The following NBAS variants were observed in gnomAD, a reference collection of about 807,000 sequenced individuals.
NBAS encodes the protein NAG/BC035112 fusion.
NBAS carries 219 observed loss-of-function variants against 302.5 expected under a neutral mutation model. The ratio of observed to expected loss-of-function variants is 0.72; its 90% confidence interval spans 0.65 to 0.81. NBAS has a LOEUF of 0.81. Ranked by LOEUF, NBAS falls within the 30% of genes least tolerant of loss-of-function variation. NBAS has a pLI of 0.00. For missense variants in NBAS, 2,932 were observed against 2,841.6 expected, an observed-to-expected ratio of 1.03 and a Z score of -0.72; for synonymous variants, 1,118 against 1,021.6, an observed-to-expected ratio of 1.09 and a Z score of -1.80.
chr2:15,305,449 GTTTTT>G (rs35136896), intron 40 of NBAS, among the ~76,000 whole-genome samples: 1 of 123,804 alleles, frequency 8.1e-6, no homozygotes, highest in Admixed American at 8.4e-5. Flanking sequence ...GTCTCGAGCA[GTTTTT>G]TTTTTTTTTT....
downstream of NBAS, among the ~76,000 whole-genome samples, chr2:15,162,460 A>G (rs1663922565): frequency 6.6e-6 from 1 of 152,056 alleles, no homozygotes; most frequent in African/African-American, 2.4e-5. Context: ...CCACCGGGGG[A>G]GCAGAAACTC....
At chr2:14,849,985 T>C in the NBAS span, among the ~76,000 whole-genome samples, 1 of 139,382 alleles carries the variant, frequency 7.2e-6, no homozygotes, top group Non-Finnish European at 1.5e-5. Flanking sequence ...CATGCCAAAA[T>C]GTAGACAATC....
intron 6 of NBAS, among the ~76,000 whole-genome samples, chr2:15,550,030 G>A (rs888982825): frequency 2.0e-5 from 3 of 152,088 alleles, no homozygotes; most frequent in Non-Finnish European, 4.4e-5. Flanking sequence ...CAGGCATGCT[G>A]GTGCATGCCT....
chr2:15,274,630 C>T (rs899042111), intron 44 of NBAS, among the ~76,000 whole-genome samples: 5 of 152,110 alleles, frequency 3.3e-5, no homozygotes, highest in Non-Finnish European at 7.3e-5. Context: ...TGAGGCTACA[C>T]ATTGCTGAGG....
chr2:15,349,113 C>T (rs1462910764), intron 35 of NBAS, among the ~76,000 whole-genome samples: 2 of 152,134 alleles, frequency 1.3e-5, no homozygotes, highest in East Asian at 1.9e-4. Context: ...ATGTTCCCCA[C>T]CACTGGAACA....
At position 15,366,696 on chromosome 2, in the gene NBAS, A is replaced by G. The variant is rs752199112; in HGVS notation, c.3704-3T>C. On this transcript the variant is annotated splice_polypyrimidine_tract_variant and splice_region_variant and intron_variant, in intron 31 of 51. Coordinates refer to ENST00000281513, the MANE Select transcript of NBAS (RefSeq NM_015909.4). ...GATCCGATCAGGGCACAATCGCACT[A>G]CAAAAGAAAGACGTATTAAAGACTT... 13 of 1,613,300 alleles carry G rather than the reference A, an allele frequency of 8.1e-6. No individual in the cohort carries two copies. Among genetic ancestry groups the G allele is most frequent in the Admixed American group, 3.3e-5 (2 of 60,000 alleles).
chr2:15,554,263 T>TC (rs1363305996), intron 3 of NBAS, 125 bp from the exon 4 acceptor site: 1 of 855,544 alleles, frequency 1.2e-6, no homozygotes, highest in African/African-American at 1.7e-5. Context: ...AAAATTTGAA[T>TC]ATTAGCAAAC....
the NBAS span, among the ~76,000 whole-genome samples, chr2:15,089,651 A>C: frequency 6.6e-6 from 1 of 151,644 alleles, no homozygotes; most frequent in South Asian, 2.1e-4. Flanking sequence ...ATACCTGCCC[A>C]GTGTTGTCAG....
chr2:15,517,561 A>G (rs1662459951), intron 9 of NBAS, among the ~76,000 whole-genome samples: 1 of 152,214 alleles, frequency 6.6e-6, no homozygotes, highest in Non-Finnish European at 1.5e-5. Flanking sequence ...ATAAACATAC[A>G]TCTTAGGTCA....
At chr2:15,131,795 C>T in the NBAS span, among the ~76,000 whole-genome samples, 1 of 152,172 alleles carries the variant, frequency 6.6e-6, no homozygotes, top group Non-Finnish European at 1.5e-5. Flanking sequence ...ACATGCTCAG[C>T]TTCTGGGAAG....
chr2:15,174,442 T>C (rs1664438774), intron 51 of NBAS, among the ~76,000 whole-genome samples: 1 of 152,132 alleles, frequency 6.6e-6, no homozygotes, highest in South Asian at 2.1e-4. Context: ...GTGTTGAAGA[T>C]AAAGGGGTAT....
At chr2:15,267,700 G>A (rs1379798790) in intron 44 of NBAS, among the ~76,000 whole-genome samples, 1 of 152,098 alleles carries the variant, frequency 6.6e-6, no homozygotes, top group Non-Finnish European at 1.5e-5. Context: ...AAAGGTCAAT[G>A]TAATTTAATA....
At chr2:15,551,663 T>A (rs1664391426) in intron 5 of NBAS, 127 bp from the exon 6 acceptor site, 3 of 656,426 alleles carry the variant, frequency 4.6e-6, no homozygotes, top group Non-Finnish European at 8.0e-6. Context: ...TCAGACATGG[T>A]TTTGTGGCTC....
At chr2:15,383,422 C>CTA in intron 28 of NBAS, 105 bp from the exon 29 acceptor site, 2 of 861,342 alleles carry the variant, frequency 2.3e-6, no homozygotes, top group East Asian at 5.0e-5. Context: ...TACCACCACT[C>CTA]TATATCCACA....
rs1036042898 is a variant in NBAS at position 15,287,580 on chromosome 2, C to T, written c.5028-397G>A. On this transcript the variant is annotated intron_variant, in intron 41 of 51. Coordinates refer to ENST00000281513, the MANE Select transcript of NBAS (RefSeq NM_015909.4). ...CATAGACAGTCCCACACAGGCATCCCGGGCAGCCCTGCGTGGGCATCTCCC... is the reference window on the plus strand; with the variant it reads ...CATAGACAGTCCCACACAGGCATCCTGGGCAGCCCTGCGTGGGCATCTCCC... Among the ~76,000 whole-genome samples the T allele has an allele frequency of 1.2e-4, 18 of 152,258 alleles. 1 individual carries two copies. Among genetic ancestry groups the T allele is most frequent in the African/African-American group, 2.6e-4 (11 of 41,558 alleles).
intron 42 of NBAS, among the ~76,000 whole-genome samples, chr2:15,281,469 A>T (rs1176378738): frequency 6.6e-6 from 1 of 152,204 alleles, no homozygotes; most frequent in Non-Finnish European, 1.5e-5. Context: ...TCAGATGTGC[A>T]ATGTTAGGTT....
the NBAS span, among the ~76,000 whole-genome samples, chr2:15,085,798 G>C: frequency 2.0e-5 from 3 of 152,184 alleles, no homozygotes; most frequent in Non-Finnish European, 4.4e-5. Context: ...TGGAGCAGGG[G>C]TGCACACGCT....
At chr2:14,856,798 A>T in the NBAS span, among the ~76,000 whole-genome samples, 1 of 152,158 alleles carries the variant, frequency 6.6e-6, no homozygotes, top group Non-Finnish European at 1.5e-5. Context: ...AGCCTAAAAG[A>T]TCTAGAAAAT....
At chr2:15,115,923 G>A in the NBAS span, among the ~76,000 whole-genome samples, 1 of 152,308 alleles carries the variant, frequency 6.6e-6, no homozygotes, top group East Asian at 1.9e-4. Flanking sequence ...CTATTCACAT[G>A]AAGCTACTTC....
Sources: gnomAD v4.1 joint callset for allele counts (sites outside exome capture counted in the v4.1 genomes callset) on GRCh38, gnomAD v4.1.1 for gene constraint, MANE v1.5 for transcripts, NCBI Gene and HGNC (gene_info 2026-07-23, HGNC 2026-07-21) for gene names.